The following ANKRD26 variants were observed in gnomAD, a reference collection of about 807,000 sequenced individuals.
ANKRD26 encodes ankyrin repeat domain-containing protein 26.
Under a neutral mutation model 208.7 loss-of-function variants are expected in ANKRD26, and 141 were observed. That is an observed-to-expected ratio of 0.68 (90% CI 0.59 to 0.78). The LOEUF (loss-of-function observed/expected upper bound fraction) is 0.78. Among genes scored for constraint, ANKRD26 ranks in the 30% least tolerant of loss-of-function variants. The pLI is 0.00. For synonymous variants in ANKRD26, 636 were observed against 660.4 expected (o/e 0.96, Z 0.57); for missense variants, 1,889 against 1,938.7 (o/e 0.97, Z 0.48).
chr10:27,056,162 G>A (rs903774812), intron 15 of ANKRD26, among the ~76,000 whole-genome samples: 3 of 151,994 alleles, frequency 2.0e-5, no homozygotes, highest in Non-Finnish European at 1.5e-5. Flanking sequence ...AAGTACTTTC[G>A]CTAAAAATGA....
intron 17 of ANKRD26, among the ~76,000 whole-genome samples, chr10:27,048,177 T>C (rs2054525515): frequency 1.3e-5 from 2 of 152,164 alleles, no homozygotes; most frequent in South Asian, 4.1e-4. Flanking sequence ...TATACTGAAA[T>C]GTTTACATGT....
At chr10:27,023,428 G>T (rs1422769205) in intron 28 of ANKRD26, among the ~76,000 whole-genome samples, 1 of 150,498 alleles carries the variant, frequency 6.6e-6, no homozygotes, top group Non-Finnish European at 1.5e-5. Context: ...GTTGACCACT[G>T]TTTATAAGAA....
intron 16 of ANKRD26, among the ~76,000 whole-genome samples, chr10:27,052,448 GC>G (rs1423252870): frequency 9.2e-5 from 14 of 152,022 alleles, no homozygotes; most frequent in African/African-American, 3.4e-4. Flanking sequence ...CAAATACTGA[GC>G]CCCTACAGTG....
chr10:27,042,650 G>A (rs1210235234), intron 20 of ANKRD26, among the ~76,000 whole-genome samples: 1 of 152,088 alleles, frequency 6.6e-6, no homozygotes, highest in African/African-American at 2.4e-5. Flanking sequence ...CTACTTGGGA[G>A]GCTGAGGCAG....
chr10:27,041,014 G>A (rs578038270), intron 20 of ANKRD26, among the ~76,000 whole-genome samples: 6 of 149,390 alleles, frequency 4.0e-5, no homozygotes, highest in Non-Finnish European at 8.9e-5. Flanking sequence ...CTGGGCAACA[G>A]AGCGAGACTC....
intron 32 of ANKRD26, 58 bp from the exon 33 acceptor site, chr10:27,007,020 G>C (rs2052911785): frequency 7.8e-7 from 1 of 1,283,190 alleles, no homozygotes; most frequent in East Asian, 2.3e-5. Flanking sequence ...CATTAACATA[G>C]AAATGATGTA....
chr10:26,959,135 C>T, the ANKRD26 span, among the ~76,000 whole-genome samples: 16 of 151,740 alleles, frequency 1.1e-4, no homozygotes, highest in Non-Finnish European at 1.9e-4. Context: ...AAAAATTAGC[C>T]AGGTGTGGTG....
rs1589193920 is a variant in ANKRD26 at position 27,004,370 on chromosome 10, C to A, written c.*1220G>T. On this transcript the variant is annotated 3_prime_UTR_variant, in exon 34 of 34. Transcript: ENST00000376087. ...ATTATAACTCACTGAATAAAATAAA[C>A]CATGAATCCATGGTTTATTTGATAC... 1 of 151,946 alleles carries A rather than the reference C, an allele frequency of 6.6e-6. No individual in the cohort carries two copies. The highest frequency in any genetic ancestry group is 1.5e-5 in the Non-Finnish European group (1 of 67,952). The allele number at this position is 151,946 out of a possible 1,614,324, so 9.4% of individuals were successfully genotyped here. A position where few individuals can be genotyped will look rare whatever the true frequency, so the allele number is the denominator to read the frequency against.
intron 1 of ANKRD26, among the ~76,000 whole-genome samples, chr10:27,098,971 A>G (rs960198370): frequency 1.3e-5 from 2 of 152,052 alleles, no homozygotes; most frequent in Non-Finnish European, 2.9e-5. Flanking sequence ...ACACTTCTGT[A>G]TCTATTGCCA....
At chr10:27,062,772 T>TTC (rs890322613) in intron 12 of ANKRD26, among the ~76,000 whole-genome samples, 4 of 147,240 alleles carry the variant, frequency 2.7e-5, no homozygotes, top group African/African-American at 9.8e-5. Flanking sequence ...CTTTCTTTCT[T>TTC]TTTTTTTTTT....
chr10:27,097,302 T>C (rs1178413791), intron 1 of ANKRD26, among the ~76,000 whole-genome samples: 3 of 144,772 alleles, frequency 2.1e-5, no homozygotes, highest in Non-Finnish European at 4.5e-5. Context: ...AGTGAAACCC[T>C]GTCTCTACTA....
rs1005340156 is a variant in ANKRD26, at chr10:27,012,795, G to A, written c.4953+87C>T. On this transcript the variant is annotated intron_variant, in intron 32 of 33. Transcript: ENST00000376087. ...CCACTGCACTCCAGCCTGGACAACAGAGTAAAACGCTGTCTCAAAAAAACA... is the reference window on the plus strand; with the variant it reads ...CCACTGCACTCCAGCCTGGACAACAAAGTAAAACGCTGTCTCAAAAAAACA... 3.1e-5 allele frequency: 41 copies of A among 1,331,328 alleles called. 1 individual carries two copies. The South Asian group carries it at 4.8e-4, about 16-fold the overall frequency. 82.5% of individuals were successfully genotyped at this position (1,331,328 alleles called of 1,614,324 possible).
At chr10:27,009,269 A>AG (rs1223100344) in intron 32 of ANKRD26, among the ~76,000 whole-genome samples, 1 of 152,200 alleles carries the variant, frequency 6.6e-6, no homozygotes, top group East Asian at 1.9e-4. Context: ...GTGCTCTGGG[A>AG]GGGACACTTG....
At chr10:27,070,097 T>C (rs906089584) in intron 9 of ANKRD26, among the ~76,000 whole-genome samples, 54 of 134,116 alleles carry the variant, frequency 4.0e-4, no homozygotes, top group Non-Finnish European at 7.0e-4. Context: ...AGAGACTCTG[T>C]ATTTAAAAAA....
At chr10:27,029,057 A>G in intron 26 of ANKRD26, 112 bp from the exon 27 acceptor site, 1 of 1,078,528 alleles carries the variant, frequency 9.3e-7, no homozygotes, top group South Asian at 1.5e-5. Flanking sequence ...AAGATTTCAA[A>G]AGTAGGTGAT....
intron 3 of ANKRD26, among the ~76,000 whole-genome samples, chr10:27,092,876 A>T (rs2056345704): frequency 1.3e-5 from 2 of 152,184 alleles, no homozygotes; most frequent in South Asian, 4.1e-4. Context: ...TGAGGTCAGG[A>T]GTTCGAGGCC....
chr10:27,022,563 GT>G lies in ANKRD26; in HGVS notation c.4209del (p.Lys1403AsnfsTer35). The G allele has an allele frequency of 6.6e-7, 1 of 1,523,690 alleles. No individual in the cohort carries two copies. The highest frequency in any genetic ancestry group is 9.0e-7 in the Non-Finnish European group (1 of 1,107,174). 94.4% of individuals were successfully genotyped at this position (1,523,690 alleles called of 1,614,324 possible). A position where few individuals can be genotyped will look rare whatever the true frequency, so the allele number is the denominator to read the frequency against. On this transcript the variant is annotated frameshift_variant, in exon 29 of 34. Coordinates refer to ENST00000376087, the MANE Select transcript of ANKRD26 (RefSeq NM_014915.3). LOFTEE classifies it high-confidence loss of function. Reference protein sequence around the residue: ...FEMDIQINKLKHKIDDLTAEL... With the variant: ...FEMDIQINKLXHKIDDLTAEL... ...CAAAACTTATTAAAAATTACCTTATGTTTTAGCTTATTAATCTGAATATCCA... is the reference window on the plus strand; with the variant it reads ...CAAAACTTATTAAAAATTACCTTATGTTTAGCTTATTAATCTGAATATCCA...
Position 27,053,358 on chromosome 10 carries a change from C to G in ANKRD26, c.1597G>C (p.Glu533Gln), listed in dbSNP as rs764321643. The change falls in exon 16 of 34, where the codon GAG becomes CAG. Residue 533 changes from glutamate (E) to glutamine (Q), a missense_variant. Coordinates refer to ENST00000376087, the MANE Select transcript of ANKRD26 (RefSeq NM_014915.3). ...TTTTCACTCCCTTCCCTTTCTTGCT[C>G]TTCTTCTGATGCTACTTCTAAGTCA... is the stretch of plus-strand genomic sequence containing the variant. ...EHDLEVASEE[E>Q]QEREGSENNQ... 1.9e-6 allele frequency: 3 copies of G among 1,559,378 alleles called. No individual in the cohort carries two copies. Among genetic ancestry groups the G allele is most frequent in the Non-Finnish European group, 2.6e-6 (3 of 1,175,350 alleles).
chr10:26,978,045 A>G (rs896195741), intron 5 of ANKRD26, among the ~76,000 whole-genome samples: 1 of 152,138 alleles, frequency 6.6e-6, no homozygotes, highest in African/African-American at 2.4e-5. Context: ...CCTGAATAAG[A>G]CCTGTAATTA....
Sources: allele counts gnomAD v4.1 joint callset (sites outside exome capture counted in the v4.1 genomes callset), GRCh38; gene constraint gnomAD v4.1.1; transcripts MANE v1.5; gene names NCBI Gene and HGNC (gene_info 2026-07-23, HGNC 2026-07-21).